Variants in HECW2 observed in about 807,000 individuals in gnomAD.
The protein encoded by HECW2 is E3 ubiquitin-protein ligase HECW2.
Under a neutral mutation model 175.2 loss-of-function variants are expected in HECW2, and 61 were observed. That is an observed-to-expected ratio of 0.35 (90% CI 0.28 to 0.43). The LOEUF is 0.43. Among genes scored for constraint, HECW2 ranks in the 20% least tolerant of loss-of-function variants. The probability of loss-of-function intolerance (pLI) is 1.00; values close to 1 mark genes in which losing one functional copy is unlikely to be tolerated. For missense variants in HECW2, 1,524 were observed against 2,000.5 expected (o/e 0.76, Z 4.54); for synonymous variants, 671 against 731.0 (o/e 0.92, Z 1.32).
intron 19 of HECW2, among the ~76,000 whole-genome samples, chr2:196,248,738 G>A (rs1007782367): frequency 6.6e-6 from 1 of 152,050 alleles, no homozygotes; most frequent in Non-Finnish European, 1.5e-5. Flanking sequence ...TAAACAGCTG[G>A]TAAAATGCTA....
At chr2:196,568,168 G>C (rs1448670711) in intron 1 of HECW2, among the ~76,000 whole-genome samples, 1 of 151,982 alleles carries the variant, frequency 6.6e-6, no homozygotes, top group Non-Finnish European at 1.5e-5. Context: ...GAAGTTGTGT[G>C]TCTGTTTCTT....
chr2:196,574,381 G>T (rs1372938297), intron 1 of HECW2, among the ~76,000 whole-genome samples: 1 of 151,820 alleles, frequency 6.6e-6, no homozygotes, highest in East Asian at 1.9e-4. Context: ...GGTGAGCAGA[G>T]ATAGCACCAC....
chr2:196,582,069 A>AAATAATAATAATAATAAT lies in HECW2; in HGVS notation c.-36+11421_-36+11438dup, dbSNP rs572551572. Among the ~76,000 whole-genome samples the AAATAATAATAATAATAAT allele has an allele frequency of 1.1e-3, 165 of 150,336 alleles. 1 individual carries two copies. Among genetic ancestry groups the AAATAATAATAATAATAAT allele is most frequent in the African/African-American group, 3.8e-3 (153 of 40,396 alleles). The stretch of plus-strand genomic sequence containing the variant: ...TGACATAGTGAGACTCCATCTCGAA[A>AAATAATAATAATAATAAT]AATAATAATAATAATAATAATAATA... On this transcript the variant is annotated intron_variant, in intron 1 of 28. Coordinates refer to ENST00000644978, the MANE Select transcript of HECW2 (RefSeq NM_001348768.2).
At chr2:196,260,845 T>C (rs1478518912) in intron 17 of HECW2, among the ~76,000 whole-genome samples, 1 of 152,264 alleles carries the variant, frequency 6.6e-6, no homozygotes, top group Non-Finnish European at 1.5e-5. Context: ...CTTGGTCTAC[T>C]AGAAATTTGC....
At chr2:196,365,370 C>A (rs1055547219) in intron 2 of HECW2, among the ~76,000 whole-genome samples, 1 of 152,202 alleles carries the variant, frequency 6.6e-6, no homozygotes, top group African/African-American at 2.4e-5. Flanking sequence ...TCCTGAAAAT[C>A]CCATTATGAA....
chr2:196,269,114 G>C (rs1558997623), intron 17 of HECW2, among the ~76,000 whole-genome samples: 1 of 152,154 alleles, frequency 6.6e-6, no homozygotes, highest in East Asian at 1.9e-4. Flanking sequence ...TATATACACA[G>C]TGTTTATAGT....
intron 1 of HECW2, among the ~76,000 whole-genome samples, chr2:196,446,819 C>T (rs1245951929): frequency 6.6e-6 from 1 of 152,148 alleles, no homozygotes. Context: ...ACATGTAAGT[C>T]ACAAACAAGA....
chr2:196,323,470 A>T (rs1692024108), intron 6 of HECW2, among the ~76,000 whole-genome samples: 1 of 152,246 alleles, frequency 6.6e-6, no homozygotes, highest in South Asian at 2.1e-4. Flanking sequence ...CCATGCAACT[A>T]TAGTGATGTG....
intron 4 of HECW2, 54 bp downstream of exon 4, chr2:196,334,370 A>G (rs1014422677): frequency 2.9e-6 from 4 of 1,363,138 alleles, no homozygotes; most frequent in East Asian, 2.4e-5. Flanking sequence ...GTAAAAATAG[A>G]AATCAAGACC....
At chr2:196,532,494 G>C (rs1688876205) in intron 1 of HECW2, among the ~76,000 whole-genome samples, 2 of 152,092 alleles carry the variant, frequency 1.3e-5, no homozygotes, top group Admixed American at 1.3e-4. Flanking sequence ...GGGTGTCTAG[G>C]GGAGGGACAG....
intron 1 of HECW2, among the ~76,000 whole-genome samples, chr2:196,554,016 T>C (rs1318868346): frequency 2.0e-5 from 3 of 152,168 alleles, no homozygotes; most frequent in African/African-American, 7.2e-5. Context: ...CTCCCTGATA[T>C]CTAGGATAGG....
chr2:196,209,200 T>C (rs901620829), intron 28 of HECW2, among the ~76,000 whole-genome samples: 1 of 152,250 alleles, frequency 6.6e-6, no homozygotes, highest in African/African-American at 2.4e-5. Flanking sequence ...ACTTGGACTA[T>C]CCTGTCCTCT....
At position 196,307,959 on chromosome 2, in the gene HECW2, T is replaced by C; in HGVS notation, c.2561A>G (p.Gln854Arg). 6.3e-7 allele frequency: 1 copy of C among 1,576,386 alleles called. No homozygotes were observed. Among genetic ancestry groups the C allele is most frequent in the Non-Finnish European group, 8.7e-7 (1 of 1,154,240 alleles). Residue 854 changes from glutamine (Q) to arginine (R), a missense_variant, in exon 11 of 29, where the codon CAG becomes CGG. Physicochemically the swap from Gln to Arg is conservative, Grantham distance 43. Transcript: ENST00000644978. Reference protein sequence around the residue: ...PQVLQRSNSIQQMEQLNRRYQ... With the variant: ...PQVLQRSNSIRQMEQLNRRYQ... ...CCGCCGGTTCAGCTGCTCCATTTGC[T>C]GTATGGAGTTAGATCTCTGCAGCAC...
At position 196,404,328 on chromosome 2, in the gene HECW2, A is replaced by G. The variant is rs540148833; in HGVS notation, c.292+28804T>C. On this transcript the variant is annotated intron_variant, in intron 2 of 28. Coordinates refer to ENST00000644978, the MANE Select transcript of HECW2 (RefSeq NM_001348768.2). ...AGCATTAGTCATGCCTCTCTCTGTC[A>G]TGTCTGCTAGGATTCTGTAATAAAG... Among the ~76,000 whole-genome samples the G allele has an allele frequency of 2.6e-5, 4 of 152,238 alleles. No homozygotes were observed. In the South Asian group the frequency reaches 8.3e-4, roughly 32 times the overall value.
At chr2:196,447,619 C>G (rs1427140056) in intron 1 of HECW2, among the ~76,000 whole-genome samples, 2 of 152,186 alleles carry the variant, frequency 1.3e-5, no homozygotes, top group African/African-American at 4.8e-5. Context: ...TAGGATTAGA[C>G]AGAAGCCATG....
intron 15 of HECW2, 91 bp from the exon 16 acceptor site, chr2:196,274,214 T>C: frequency 1.2e-6 from 1 of 852,992 alleles, no homozygotes; most frequent in South Asian, 1.5e-5. Flanking sequence ...ATATTAACAA[T>C]GAGCATAGTG....
intron 25 of HECW2, 126 bp downstream of exon 25, chr2:196,220,669 C>A: frequency 1.9e-6 from 2 of 1,055,238 alleles, no homozygotes; most frequent in Non-Finnish European, 2.8e-6. Context: ...AAATACTGAA[C>A]TTTTCGCATG....
At chr2:196,376,635 TAAA>T (rs33989452) in intron 2 of HECW2, among the ~76,000 whole-genome samples, 11 of 133,044 alleles carry the variant, frequency 8.3e-5, no homozygotes, top group Non-Finnish European at 7.8e-5. Flanking sequence ...GACTCTGTCA[TAAA>T]AAAAAAAAAA....
rs551919846 is a variant in HECW2 at position 196,279,109 on chromosome 2, C to T, written c.3001-447G>A. Among the ~76,000 whole-genome samples, 79 of 151,984 alleles carry T rather than the reference C, an allele frequency of 5.2e-4. 2 individuals are homozygous for T. In the East Asian group the frequency reaches 8.7e-3, roughly 17 times the overall value. Reference sequence around the variant, plus strand: ...TGTCACCCAGGCTGGAGTGCAGTGGCGCGATCTCAGCTCACTGCAAGCTCC... The same window carrying T: ...TGTCACCCAGGCTGGAGTGCAGTGGTGCGATCTCAGCTCACTGCAAGCTCC... On this transcript the variant is annotated intron_variant, in intron 14 of 28. Coordinates refer to ENST00000644978, the MANE Select transcript of HECW2 (RefSeq NM_001348768.2).
Sources: allele counts gnomAD v4.1 joint callset (sites outside exome capture counted in the v4.1 genomes callset), GRCh38; gene constraint gnomAD v4.1.1; transcripts MANE v1.5; gene names NCBI Gene and HGNC (gene_info 2026-07-23, HGNC 2026-07-21).